GDA: variants seen among roughly 807,000 people sequenced by gnomAD.
The protein encoded by GDA is cytoplasmic PSD-95 interactor.
Under a neutral mutation model 59.6 loss-of-function variants are expected in GDA, and 18 were observed. The ratio of observed to expected loss-of-function variants is 0.30; its 90% confidence interval spans 0.21 to 0.45. GDA has a LOEUF of 0.45. Among genes scored for constraint, GDA ranks in the 20% least tolerant of loss-of-function variants. The pLI is 1.00. For synonymous variants in GDA, 201 were observed against 201.1 expected (o/e 1.00, Z 0.00); for missense variants, 427 against 552.3 (o/e 0.77, Z 2.27).
At position 72,217,104 on chromosome 9, in the gene GDA, A is replaced by G. The variant is rs989686841; in HGVS notation, c.579-2375A>G. On this transcript the variant is annotated intron_variant, in intron 5 of 13. Coordinates refer to ENST00000358399, the MANE Select transcript of GDA (RefSeq NM_004293.5). ...AAAAATCATGGATTTGTGCACTTAA[A>G]TCAGGTGAATTTTATGGTATGTAAA... 3.3e-5 allele frequency among the ~76,000 whole-genome samples: 5 copies of G among 152,228 alleles called. No homozygotes were observed. The East Asian group carries it at 9.6e-4, about 29-fold the overall frequency.
chr9:72,191,566 G>C (rs1315143127), intron 1 of GDA, among the ~76,000 whole-genome samples: 1 of 151,680 alleles, frequency 6.6e-6, no homozygotes, highest in Non-Finnish European at 1.5e-5. Context: ...CCGCCTCCCG[G>C]GTTCACGCCA....
At chr9:72,220,460 A>G (rs1836720169) in intron 6 of GDA, among the ~76,000 whole-genome samples, 2 of 152,198 alleles carry the variant, frequency 1.3e-5, no homozygotes, top group Admixed American at 1.3e-4. Context: ...ATGCAACAGA[A>G]AAACTAAATT....
Position 72,219,462 on chromosome 9 carries a change from T to G in GDA, c.579-17T>G, listed in dbSNP as rs745760890. On this transcript the variant is annotated splice_polypyrimidine_tract_variant and intron_variant, in intron 5 of 13. Coordinates refer to ENST00000358399, the MANE Select transcript of GDA (RefSeq NM_004293.5). ...AAAATGCTCAAGTTTTCTAACCCAT[T>G]TGTTGCTTTATTTCAGATTTGTGTC... 6.4e-7 allele frequency: 1 copy of G among 1,561,130 alleles called. No individual in the cohort carries two copies. The highest frequency in any genetic ancestry group is 8.8e-7 in the Non-Finnish European group (1 of 1,140,906).
intron 1 of GDA, among the ~76,000 whole-genome samples, chr9:72,153,869 C>G (rs1326033792): frequency 5.5e-5 from 8 of 145,152 alleles, no homozygotes; most frequent in Non-Finnish European, 1.1e-4. Context: ...TGCTAAATGA[C>G]GAGTTAATGG....
At chr9:72,178,167 G>T (rs1478188541) in intron 1 of GDA, among the ~76,000 whole-genome samples, 2 of 152,204 alleles carry the variant, frequency 1.3e-5, no homozygotes, top group African/African-American at 4.8e-5. Context: ...GAGTGTGGTT[G>T]GTTACTGATC....
chr9:72,123,250 C>T (rs1353830246), intron 1 of GDA, among the ~76,000 whole-genome samples: 23 of 144,538 alleles, frequency 1.6e-4, no homozygotes, highest in Admixed American at 4.3e-4. Flanking sequence ...GTGGCGCGAT[C>T]TCGGCTCACT....
At chr9:72,152,967 A>C (rs1228907400) in intron 1 of GDA, among the ~76,000 whole-genome samples, 6 of 152,298 alleles carry the variant, frequency 3.9e-5, no homozygotes, top group Non-Finnish European at 8.8e-5. Context: ...TAATTTTTGC[A>C]TAAGGTGTAA....
chr9:72,245,422 A>G (rs1840039750), intron 12 of GDA, 144 bp downstream of exon 12: 2 of 608,040 alleles, frequency 3.3e-6, no homozygotes, highest in East Asian at 2.8e-5. Flanking sequence ...TTTGATAATT[A>G]TTATAATTTT....
intron 1 of GDA, among the ~76,000 whole-genome samples, chr9:72,123,121 G>T (rs1825719811): frequency 6.6e-6 from 1 of 150,870 alleles, no homozygotes; most frequent in Non-Finnish European, 1.5e-5. Flanking sequence ...TATTCTTCTT[G>T]CTTATCTCCC....
At chr9:72,215,776 A>G (rs1425194365) in intron 5 of GDA, among the ~76,000 whole-genome samples, 1 of 152,224 alleles carries the variant, frequency 6.6e-6, no homozygotes, top group African/African-American at 2.4e-5. Context: ...CCTACTTTGG[A>G]AAGATTTCCA....
In GDA at chr9:72,220,568, G is replaced by A. The variant is rs149397548; in HGVS notation, c.606+1062G>A. Among the ~76,000 whole-genome samples, 162 of 152,180 alleles carry A rather than the reference G, an allele frequency of 1.1e-3. 1 individual carries two copies. The highest frequency in any genetic ancestry group is 3.5e-3 in the African/African-American group (146 of 41,508). ...AGTCACTGCTCAGGTTAGAGTTACC[G>A]TCTCAGGGTAGGTTTTTCTTCCTCA... On this transcript the variant is annotated intron_variant, in intron 6 of 13. Transcript: ENST00000358399.
rs1452958806 is a variant in GDA at position 72,248,535 on chromosome 9, G to A, written c.*193G>A. 1.8e-5 allele frequency: 23 copies of A among 1,303,532 alleles called. No individual in the cohort carries two copies. The highest frequency in any genetic ancestry group is 1.2e-4 in the East Asian group (4 of 33,010). 80.7% of individuals were successfully genotyped at this position (1,303,532 alleles called of 1,614,324 possible). ...ACTAATTCTCAACTCTGGTTGAGAG[G>A]GTTCATAAATTTCATGAAAATATCT... is the stretch of plus-strand genomic sequence containing the variant. On this transcript the variant is annotated 3_prime_UTR_variant, in exon 14 of 14. Coordinates refer to ENST00000358399, the MANE Select transcript of GDA (RefSeq NM_004293.5).
intron 1 of GDA, among the ~76,000 whole-genome samples, chr9:72,161,728 A>C (rs1451721265): frequency 6.6e-6 from 1 of 152,226 alleles, no homozygotes; most frequent in Non-Finnish European, 1.5e-5. Context: ...CTTACAATTT[A>C]CAGTCCTGGA....
rs1017339608 is a variant in GDA, at chr9:72,250,633, T to C, written c.*2291T>C. The C allele has an allele frequency of 5.0e-6, 8 of 1,591,992 alleles. No individual in the cohort carries two copies. The highest frequency in any genetic ancestry group is 6.8e-6 in the Non-Finnish European group (8 of 1,172,466). On this transcript the variant is annotated 3_prime_UTR_variant, in exon 14 of 14. Transcript: ENST00000358399. ...TATCTATACCTGGGGCCAGATTTTCTGCACTTTGAAATGTTGCCTTTGCCT... is the reference window on the plus strand; with the variant it reads ...TATCTATACCTGGGGCCAGATTTTCCGCACTTTGAAATGTTGCCTTTGCCT...
At chr9:72,259,327 T>G (rs940561729), downstream of GDA, among the ~76,000 whole-genome samples, 2 of 152,192 alleles carry the variant, frequency 1.3e-5, no homozygotes, top group African/African-American at 4.8e-5. Flanking sequence ...CTGGCCACTT[T>G]CTATTTTTGC....
chr9:72,133,436 C>A (rs1826109089), intron 1 of GDA, among the ~76,000 whole-genome samples: 1 of 151,630 alleles, frequency 6.6e-6, no homozygotes, highest in African/African-American at 2.4e-5. Flanking sequence ...TACATGAATT[C>A]TTTTCCATTT....
At chr9:72,133,021 T>C (rs1200315040) in intron 1 of GDA, among the ~76,000 whole-genome samples, 1 of 152,106 alleles carries the variant, frequency 6.6e-6, no homozygotes, top group Non-Finnish European at 1.5e-5. Context: ...CCAGGTGCAG[T>C]GGCTCACACC....
intron 11 of GDA, among the ~76,000 whole-genome samples, chr9:72,244,858 G>A (rs1361790223): frequency 1.3e-5 from 2 of 152,088 alleles, no homozygotes; most frequent in African/African-American, 4.8e-5. Flanking sequence ...GACCAGCTGG[G>A]CTATGAAGTG....
intron 1 of GDA, chr9:72,114,939 GA>G (rs1825383929): frequency 6.6e-6 from 1 of 152,236 alleles, no homozygotes; most frequent in Non-Finnish European, 1.5e-5. Flanking sequence ...GACAGAGAGA[GA>G]GTGTGTGCCT....
Sources: gnomAD v4.1 joint callset for allele counts (sites outside exome capture counted in the v4.1 genomes callset) on GRCh38, gnomAD v4.1.1 for gene constraint, MANE v1.5 for transcripts, NCBI Gene and HGNC (gene_info 2026-07-23, HGNC 2026-07-21) for gene names.